CDH12: variants seen among roughly 807,000 people sequenced by gnomAD.
The protein encoded by CDH12 is cadherin 12.
CDH12 carries 41 observed loss-of-function variants against 74.1 expected under a neutral mutation model. The ratio of observed to expected loss-of-function variants is 0.55; its 90% CI spans 0.43 to 0.72. The LOEUF is 0.72. Ranked by LOEUF, CDH12 falls within the 30% of genes least tolerant of loss-of-function variation. CDH12 has a pLI of 0.00. For missense variants in CDH12, 945 were observed against 977.2 expected (o/e 0.97, Z 0.44); for synonymous variants, 399 against 355.0 (o/e 1.12, Z -1.39).
At chr5:22,741,806 G>A (rs1370647394) in intron 1 of CDH12, among the ~76,000 whole-genome samples, 1 of 152,140 alleles carries the variant, frequency 6.6e-6, no homozygotes, top group Non-Finnish European at 1.5e-5. Flanking sequence ...CACCATTTGG[G>A]TTGGAATAGA....
intron 2 of CDH12, among the ~76,000 whole-genome samples, chr5:22,441,384 T>A: frequency 6.6e-6 from 1 of 152,170 alleles, no homozygotes; most frequent in Non-Finnish European, 1.5e-5. Flanking sequence ...AAGATATTTT[T>A]TTTTTGGTAT....
chr5:22,143,638 A>AT, intron 4 of CDH12: 1 of 152,216 alleles, frequency 6.6e-6, no homozygotes. Context: ...AAGTGCTGGG[A>AT]TTACAGGCGT....
At chr5:22,505,469 A>G (rs1736343777) in intron 1 of CDH12, 105 bp from the exon 2 acceptor site, 2 of 230,144 alleles carry the variant, frequency 8.7e-6, no homozygotes, top group Non-Finnish European at 1.4e-5. Context: ...GATGGTATAG[A>G]GAGTTCCTGT....
intron 4 of CDH12, among the ~76,000 whole-genome samples, chr5:22,164,556 T>G (rs895029631): frequency 6.6e-6 from 1 of 152,046 alleles, no homozygotes; most frequent in Non-Finnish European, 1.5e-5. Flanking sequence ...ACCAGAAGAG[T>G]GCAGTTGCAA....
intron 3 of CDH12, among the ~76,000 whole-genome samples, chr5:22,292,629 C>CAG (rs1296293427): frequency 6.6e-6 from 1 of 151,776 alleles, no homozygotes; most frequent in Non-Finnish European, 1.5e-5. Flanking sequence ...CTCAAACACA[C>CAG]ACACACACAC....
At chr5:22,531,420 T>A (rs1737577548) in intron 1 of CDH12, among the ~76,000 whole-genome samples, 2 of 152,148 alleles carry the variant, frequency 1.3e-5, no homozygotes, top group Non-Finnish European at 2.9e-5. Flanking sequence ...CACTACAAAT[T>A]TTTAAATACT....
chr5:22,817,266 G>T (rs1749439904), intron 1 of CDH12, among the ~76,000 whole-genome samples: 1 of 151,968 alleles, frequency 6.6e-6, no homozygotes, highest in African/African-American at 2.4e-5. Context: ...TCAGAATCAT[G>T]AATGTACTTT....
chr5:22,451,323 G>C (rs1745034569), intron 2 of CDH12, among the ~76,000 whole-genome samples: 1 of 151,766 alleles, frequency 6.6e-6, no homozygotes, highest in East Asian at 1.9e-4. Context: ...AATTTATTTT[G>C]AATCAATAAA....
chr5:22,371,404 T>C (rs951633635), intron 3 of CDH12, among the ~76,000 whole-genome samples: 1 of 152,112 alleles, frequency 6.6e-6, no homozygotes, highest in African/African-American at 2.4e-5. Flanking sequence ...ATAATTTAAA[T>C]ACACAAAGTG....
Position 22,209,819 on chromosome 5 carries a change from A to G in CDH12, c.-187+2679T>C, listed in dbSNP as rs1200873924. ...GTACTATCTTAAAAATAGTCTTACAATATTCATGAGTATCATGTCAAGGGC... is the reference window on the plus strand; with the variant it reads ...GTACTATCTTAAAAATAGTCTTACAGTATTCATGAGTATCATGTCAAGGGC... On this transcript the variant is annotated intron_variant, in intron 4 of 14. Coordinates refer to ENST00000382254, the MANE Select transcript of CDH12 (RefSeq NM_004061.5). Among the ~76,000 whole-genome samples, 15 of 152,294 alleles carry G rather than the reference A, an allele frequency of 9.8e-5. No individual in the cohort carries two copies. In the East Asian group the frequency reaches 2.9e-3, roughly 29 times the overall value.
intron 3 of CDH12, among the ~76,000 whole-genome samples, chr5:22,316,957 C>A (rs1236727965): frequency 1.3e-5 from 2 of 152,008 alleles, no homozygotes; most frequent in African/African-American, 4.8e-5. Context: ...GTCCAGATAT[C>A]AGGAGGAATA....
At chr5:22,569,613 A>G (rs1282112276) in intron 1 of CDH12, among the ~76,000 whole-genome samples, 1 of 152,214 alleles carries the variant, frequency 6.6e-6, no homozygotes, top group Non-Finnish European at 1.5e-5. Context: ...TTGTCGTTTC[A>G]CAATGTTTAC....
intron 3 of CDH12, among the ~76,000 whole-genome samples, chr5:22,384,402 T>A (rs969914969): frequency 9.3e-5 from 14 of 149,736 alleles, no homozygotes; most frequent in African/African-American, 2.9e-4. Flanking sequence ...GGTGGGCGCC[T>A]GTAGTCCCAG....
At chr5:22,039,405 T>G (rs1021079707) in intron 5 of CDH12, among the ~76,000 whole-genome samples, 2 of 151,980 alleles carry the variant, frequency 1.3e-5, no homozygotes, top group Non-Finnish European at 2.9e-5. Context: ...CAACTTTGCC[T>G]CAGAGGGTGA....
At chr5:22,683,997 A>G (rs1741632304) in intron 1 of CDH12, among the ~76,000 whole-genome samples, 1 of 152,248 alleles carries the variant, frequency 6.6e-6, no homozygotes, top group African/African-American at 2.4e-5. Flanking sequence ...AAAGGCAGTG[A>G]TATAACTGCA....
At chr5:22,147,251 T>A (rs184245811) in intron 4 of CDH12, among the ~76,000 whole-genome samples, 52 of 152,352 alleles carry the variant, frequency 3.4e-4, no homozygotes, top group African/African-American at 1.3e-3. Flanking sequence ...TTTTCGTTTT[T>A]ATCTTGAGGA....
At chr5:22,144,001 A>T (rs1165543035) in intron 4 of CDH12, 1 of 152,016 alleles carries the variant, frequency 6.6e-6, no homozygotes, top group Admixed American at 6.6e-5. Flanking sequence ...AGTAAATTGC[A>T]GATTCTCAGA....
intron 4 of CDH12, among the ~76,000 whole-genome samples, chr5:22,164,478 T>C (rs1748561418): frequency 6.6e-6 from 1 of 152,168 alleles, no homozygotes; most frequent in Non-Finnish European, 1.5e-5. Flanking sequence ...GCGGAGGGTC[T>C]GTGACGGCGG....
chr5:22,056,761 G>C (rs1740771057), intron 5 of CDH12, among the ~76,000 whole-genome samples: 1 of 152,126 alleles, frequency 6.6e-6, no homozygotes, highest in African/African-American at 2.4e-5. Context: ...TATCCCACAT[G>C]TGGATTCAGT....
Sources: gnomAD v4.1 joint callset for allele counts (sites outside exome capture counted in the v4.1 genomes callset) on GRCh38, gnomAD v4.1.1 for gene constraint, MANE v1.5 for transcripts, NCBI Gene and HGNC (gene_info 2026-07-23, HGNC 2026-07-21) for gene names.